OSBPL3: variants seen among roughly 807,000 people sequenced by gnomAD.
The protein encoded by OSBPL3 is oxysterol binding protein like 3.
OSBPL3 carries 65 observed loss-of-function variants against 120.1 expected under a neutral mutation model. That is an observed-to-expected ratio of 0.54 (90% confidence interval 0.44 to 0.67). The LOEUF is 0.67. OSBPL3 is among the 30% of genes least tolerant of loss of function. The pLI, the probability that OSBPL3 is intolerant of heterozygous loss-of-function variation, is 0.00. For missense variants in OSBPL3, 1,004 were observed against 1,082.1 expected, an observed-to-expected ratio of 0.93 and a Z score of 1.01; for synonymous variants, 416 against 402.6, an observed-to-expected ratio of 1.03 and a Z score of -0.40.
intron 1 of OSBPL3, among the ~76,000 whole-genome samples, chr7:24,976,405 T>C (rs1817594402): frequency 6.6e-6 from 1 of 152,078 alleles, no homozygotes; most frequent in African/African-American, 2.4e-5. Context: ...GTAGACAATG[T>C]TAGGACAGAG....
intron 2 of OSBPL3, among the ~76,000 whole-genome samples, chr7:24,874,058 C>T (rs1158674163): frequency 6.6e-6 from 1 of 152,194 alleles, no homozygotes; most frequent in Non-Finnish European, 1.5e-5. Flanking sequence ...GCCTAACCTG[C>T]TGTGCTGTGA....
chr7:24,954,027 T>C (rs761332902), intron 1 of OSBPL3, among the ~76,000 whole-genome samples: 2 of 152,212 alleles, frequency 1.3e-5, no homozygotes, highest in Non-Finnish European at 2.9e-5. Flanking sequence ...AAACAGGCCC[T>C]GTGAAGCTCT....
In OSBPL3 at chr7:24,932,374, C is replaced by T. The variant is rs141366206; in HGVS notation, c.-149-39753G>A. On this transcript the variant is annotated intron_variant, in intron 1 of 22. Coordinates refer to ENST00000313367, the MANE Select transcript of OSBPL3 (RefSeq NM_015550.4). The surrounding 1 kb of genome is among the most constrained non-coding windows in gnomAD (Gnocchi z 5.6). ...AGAATGCAAGAGCAAGAGAACACCACCAACACAAACCAGGATCATAAACAT... is the reference window on the plus strand; with the variant it reads ...AGAATGCAAGAGCAAGAGAACACCATCAACACAAACCAGGATCATAAACAT... 2.9e-3 allele frequency among the ~76,000 whole-genome samples: 448 copies of T among 152,208 alleles called. 2 individuals are homozygous for T. Among genetic ancestry groups the T allele is most frequent in the African/African-American group, 1.0e-2 (415 of 41,534 alleles).
chr7:24,884,119 G>T (rs1804121636), intron 2 of OSBPL3, among the ~76,000 whole-genome samples: 1 of 152,062 alleles, frequency 6.6e-6, no homozygotes. Flanking sequence ...GGCAAACAGG[G>T]ATCCTAAGGC....
intron 10 of OSBPL3, among the ~76,000 whole-genome samples, chr7:24,861,383 A>G (rs2128248026): frequency 6.6e-6 from 1 of 152,366 alleles, no homozygotes; most frequent in East Asian, 1.9e-4. Flanking sequence ...TGAATTGCTC[A>G]GCTTTTAAAG....
chr7:24,819,567 G>A lies in OSBPL3; in HGVS notation c.1948+608C>T. Among the ~76,000 whole-genome samples the A allele has an allele frequency of 6.6e-6, 1 of 152,034 alleles. No individual in the cohort carries two copies. The highest frequency in any genetic ancestry group is 1.5e-5 in the Non-Finnish European group (1 of 68,012). ...GTGTGTGTGTGCCTGTGTGTGTAAA[G>A]GTAACGTGTGATATCACTAGTAGCA... On this transcript the variant is annotated intron_variant, in intron 17 of 22. Transcript: ENST00000313367. The surrounding 1 kb of genome is among the most constrained non-coding windows in gnomAD (Gnocchi z 4.1).
intron 22 of OSBPL3, 79 bp from the exon 23 acceptor site, chr7:24,800,358 C>T: frequency 1.3e-6 from 1 of 782,588 alleles, no homozygotes; most frequent in South Asian, 1.5e-5. Flanking sequence ...CCTAACCTCC[C>T]TGCTTTCCCC....
chr7:24,964,851 T>C lies in OSBPL3; in HGVS notation c.-150+15035A>G, dbSNP rs1816194876. 6.6e-6 allele frequency among the ~76,000 whole-genome samples: 1 copy of C among 152,190 alleles called. No individual in the cohort carries two copies. The highest frequency in any genetic ancestry group is 2.1e-4 in the South Asian group (1 of 4,834). On this transcript the variant is annotated intron_variant, in intron 1 of 22. Transcript: ENST00000313367. The surrounding 1 kb of genome is among the most constrained non-coding windows in gnomAD (Gnocchi z 4.2). ...TCTAAAACTATTCTAAACTTAAAAG[T>C]TGTTTTGTGTTGGGGGCTGTGATTA...
intron 1 of OSBPL3, among the ~76,000 whole-genome samples, chr7:24,971,345 A>G (rs559726162): frequency 2.1e-4 from 32 of 152,376 alleles, no homozygotes; most frequent in African/African-American, 7.2e-4. Flanking sequence ...AATGAAGCCA[A>G]AGAAAATGTA....
At chr7:24,812,178 G>A (rs1793889637) in intron 19 of OSBPL3, among the ~76,000 whole-genome samples, 1 of 151,740 alleles carries the variant, frequency 6.6e-6, no homozygotes, top group Admixed American at 6.6e-5. Context: ...GTGGTAGTGG[G>A]CACCTGTAAT....
chr7:24,945,709 T>C (rs1233179876), intron 1 of OSBPL3, among the ~76,000 whole-genome samples: 1 of 152,222 alleles, frequency 6.6e-6, no homozygotes, highest in African/African-American at 2.4e-5. Context: ...ACTCATTTTA[T>C]AGCTTGAGGA....
chr7:24,957,300 T>A (rs550528281), intron 1 of OSBPL3, among the ~76,000 whole-genome samples: 80 of 151,290 alleles, frequency 5.3e-4, no homozygotes, highest in Non-Finnish European at 1.0e-3. Flanking sequence ...AAAAACAGGA[T>A]TACAGTTCCA....
chr7:24,960,906 C>T (rs1046066970), intron 1 of OSBPL3, among the ~76,000 whole-genome samples: 6 of 152,182 alleles, frequency 3.9e-5, no homozygotes, highest in African/African-American at 1.4e-4. Flanking sequence ...TTACACCCCT[C>T]GATCTTACCT....
intron 10 of OSBPL3, among the ~76,000 whole-genome samples, chr7:24,856,906 T>C (rs1186079482): frequency 1.3e-5 from 2 of 152,214 alleles, no homozygotes; most frequent in Non-Finnish European, 2.9e-5. Context: ...TTTTAACCCA[T>C]ATTCCATCCA....
rs991562592 is a variant in OSBPL3, at chr7:24,899,356, G to A, written c.-149-6735C>T. On this transcript the variant is annotated intron_variant, in intron 1 of 22. Coordinates refer to ENST00000313367, the MANE Select transcript of OSBPL3 (RefSeq NM_015550.4). This position sits in a 1 kb window ranked among gnomAD's most constrained non-coding sequence, Gnocchi z 4.0. Reference sequence around the variant, plus strand: ...CTTGCATCTCTTTCCAGTTCTCAGTGTTCTTACTGGGACTGTCAGGTCATA... The same window carrying A: ...CTTGCATCTCTTTCCAGTTCTCAGTATTCTTACTGGGACTGTCAGGTCATA... Among the ~76,000 whole-genome samples, 1 of 152,130 alleles carries A rather than the reference G, an allele frequency of 6.6e-6. No homozygotes were observed. Among genetic ancestry groups the A allele is most frequent in the Admixed American group, 6.6e-5 (1 of 15,252 alleles).
At chr7:24,907,251 C>T (rs1808076854) in intron 1 of OSBPL3, among the ~76,000 whole-genome samples, 1 of 152,194 alleles carries the variant, frequency 6.6e-6, no homozygotes, top group Non-Finnish European at 1.5e-5. Context: ...CAGGCTCTCC[C>T]CTGCTCCAAA....
intron 22 of OSBPL3, among the ~76,000 whole-genome samples, chr7:24,800,728 A>G (rs1365204233): frequency 1.3e-5 from 2 of 151,988 alleles, no homozygotes; most frequent in East Asian, 3.9e-4. Context: ...AAGTGCTGGG[A>G]TTACAGGCAT....
In OSBPL3 at chr7:24,813,552, A is replaced by T. The variant is rs1053409980; in HGVS notation, c.2172+1507T>A. ...TAGACAAAGCTTTCAAGGTAGGGTC[A>T]TTTTTATTTTGTCCCACATGTAAGG... On this transcript the variant is annotated intron_variant, in intron 19 of 22. Transcript: ENST00000313367. The surrounding 1 kb of genome is among the most constrained non-coding windows in gnomAD (Gnocchi z 4.5). 1.3e-5 allele frequency among the ~76,000 whole-genome samples: 2 copies of T among 152,086 alleles called. No individual in the cohort carries two copies. The highest frequency in any genetic ancestry group is 2.9e-5 in the Non-Finnish European group (2 of 68,004).
At position 24,947,334 on chromosome 7, in the gene OSBPL3, T is replaced by C. The variant is rs2128491912; in HGVS notation, c.-150+32552A>G. On this transcript the variant is annotated intron_variant, in intron 1 of 22. Transcript: ENST00000313367. This position sits in a 1 kb window ranked among gnomAD's most constrained non-coding sequence, Gnocchi z 4.4. ...ATAGAAAAAAAGACAGCTAGGAAATTCTCTGAATAAAGCTCTTCCAGGTAG... is the reference window on the plus strand; with the variant it reads ...ATAGAAAAAAAGACAGCTAGGAAATCCTCTGAATAAAGCTCTTCCAGGTAG... Among the ~76,000 whole-genome samples the C allele has an allele frequency of 6.6e-6, 1 of 152,236 alleles. No individual in the cohort carries two copies. Among genetic ancestry groups the C allele is most frequent in the East Asian group, 1.9e-4 (1 of 5,182 alleles).
Sources: allele counts gnomAD v4.1 joint callset (sites outside exome capture counted in the v4.1 genomes callset), GRCh38; gene constraint gnomAD v4.1.1; non-coding constraint Gnocchi (gnomAD v3.1); transcripts MANE v1.5; gene names NCBI Gene and HGNC (gene_info 2026-07-23, HGNC 2026-07-21).